The following RDM1 variants were observed in gnomAD, a reference collection of about 807,000 sequenced individuals.
RDM1 encodes RAD52 motif-containing protein 1.
In RDM1, 28 loss-of-function variants were observed where a neutral mutation model predicts 27.7. The observed-to-expected ratio is 1.01, with a 90% CI of 0.75 to 1.39. The LOEUF (loss-of-function observed/expected upper bound fraction) is 1.39. Among genes scored for constraint, RDM1 ranks in the 40% most tolerant of loss-of-function variants. The pLI is 0.00. For missense variants in RDM1, 277 were observed against 337.3 expected (o/e 0.82, Z 1.40); for synonymous variants, 124 against 127.5 (o/e 0.97, Z 0.19).
rs1440525181 is a variant in RDM1, at chr17:35,920,245, C to T, written c.695G>A (p.Arg232Lys). Reference sequence around the variant, plus strand: ...GACACCTACGATGTCTTCACTGGGTCTGTACTCCACAGCTATTTTACCACT... The same window carrying T: ...GACACCTACGATGTCTTCACTGGGTTTGTACTCCACAGCTATTTTACCACT... ...LESGKIAVEY[R>K]PSEDIVGVRC... Residue 232 changes from arginine to lysine, a missense_variant, in exon 6 of 7, where the codon AGA becomes AAA. Physicochemically the swap from Arg to Lys is conservative, Grantham distance 26. Transcript: ENST00000620284. 1 of 1,591,558 alleles carries T rather than the reference C, an allele frequency of 6.3e-7. No individual in the cohort carries two copies. The highest frequency in any genetic ancestry group is 8.6e-7 in the Non-Finnish European group (1 of 1,164,840).
chr17:35,930,437 G>T, intron 1 of RDM1, 182 bp from the exon 2 acceptor site: 1 of 938,016 alleles, frequency 1.1e-6, no homozygotes, highest in Non-Finnish European at 1.6e-6. Context: ...AAAACGTTCT[G>T]AAGGTGGAGA....
intron 3 of RDM1, among the ~76,000 whole-genome samples, chr17:35,925,000 G>C (rs2089088044): frequency 6.6e-6 from 1 of 152,136 alleles, no homozygotes; most frequent in Admixed American, 6.5e-5. Flanking sequence ...TGGGCGTGGT[G>C]GTGGGCGCCT....
intron 6 of RDM1, among the ~76,000 whole-genome samples, chr17:35,918,885 G>A (rs568415846): frequency 6.6e-6 from 1 of 152,340 alleles, no homozygotes; most frequent in African/African-American, 2.4e-5. Flanking sequence ...TCACCAGCAT[G>A]TGAACTCTAA....
Position 35,918,178 on chromosome 17 carries a change from C to T in RDM1, c.*164G>A, listed in dbSNP as rs1035150814. 22 of 625,056 alleles carry T rather than the reference C, an allele frequency of 3.5e-5. No individual in the cohort carries two copies. Among genetic ancestry groups the T allele is most frequent in the Non-Finnish European group, 6.0e-5 (21 of 349,226 alleles). The allele number at this position is 625,056 out of a possible 1,614,324, so 38.7% of individuals were successfully genotyped here. ...CCTACCCAAGCCTCCCTTCCCACTC[C>T]ACCAGAACACCCCTTCCCTCCCCTT... On this transcript the variant is annotated 3_prime_UTR_variant, in exon 7 of 7. Transcript: ENST00000620284.
chr17:35,929,941 C>T, intron 2 of RDM1, 135 bp downstream of exon 2: 1 of 850,978 alleles, frequency 1.2e-6, no homozygotes, highest in Non-Finnish European at 1.9e-6. Context: ...ATGTAAAAAA[C>T]CCAGAGAACT....
At chr17:35,926,209 G>GA (rs1488839230) in intron 2 of RDM1, among the ~76,000 whole-genome samples, 46 of 151,362 alleles carry the variant, frequency 3.0e-4, no homozygotes, top group African/African-American at 9.7e-4. Flanking sequence ...CTGCATTTAC[G>GA]TGCTTCTTTG....
intron 5 of RDM1, chr17:35,922,370 G>A: frequency 1.7e-6 from 1 of 593,154 alleles, no homozygotes. Flanking sequence ...TTTCACATCT[G>A]TAAACTGGGG....
In RDM1 at chr17:35,925,596, G is replaced by A; in HGVS notation, c.318C>T (p.Ala106=). The change falls in exon 3 of 7, where the codon GCC becomes GCT. Residue 106 remains alanine (A), a synonymous_variant. Coordinates refer to ENST00000620284, the MANE Select transcript of RDM1 (RefSeq NM_145654.4). ...GTRHKAVQHQ[A]LALNSSKCQE... is the part of the protein sequence containing the mutation. ...GGCATTTGGAACTGTTCAGGGCAAG[G>A]GCTTGATGTTGAACTGCCTTATGTC... The A allele has an allele frequency of 6.2e-7, 1 of 1,613,940 alleles. No homozygotes were observed.
chr17:35,918,451 A>G lies in RDM1; in HGVS notation c.754-8T>C, dbSNP rs771212088. The G allele has an allele frequency of 1.2e-6, 2 of 1,610,740 alleles. No individual in the cohort carries two copies. The highest frequency in any genetic ancestry group is 1.7e-6 in the Non-Finnish European group (2 of 1,177,000). On this transcript the variant is annotated splice_polypyrimidine_tract_variant and splice_region_variant and intron_variant, in intron 6 of 6. Coordinates refer to ENST00000620284, the MANE Select transcript of RDM1 (RefSeq NM_145654.4). Reference sequence around the variant, plus strand: ...CCAGGGAGAGCAAGGGACCTGCAAAATGTGCGCTAGTTAGGGTGGCAGGCA... The same window carrying G: ...CCAGGGAGAGCAAGGGACCTGCAAAGTGTGCGCTAGTTAGGGTGGCAGGCA...
intron 2 of RDM1, among the ~76,000 whole-genome samples, chr17:35,927,300 C>T (rs370268399): frequency 9.2e-5 from 14 of 151,940 alleles, no homozygotes; most frequent in African/African-American, 3.1e-4. Flanking sequence ...ATTAGCTGGG[C>T]GTGGTGGTGC....
chr17:35,920,560 A>T (rs2735478), intron 5 of RDM1, among the ~76,000 whole-genome samples: 6,440 of 151,194 alleles, frequency 0.043, 454 homozygotes, highest in African/African-American at 0.15. Flanking sequence ...CCTGGGATCA[A>T]GTGATCCCCC....
intron 2 of RDM1, among the ~76,000 whole-genome samples, chr17:35,926,749 C>G (rs1416019817): frequency 2.0e-5 from 3 of 152,156 alleles, no homozygotes; most frequent in African/African-American, 4.8e-5. Context: ...TCCTCTATCA[C>G]TGGTTTATAA....
Position 35,924,774 on chromosome 17 carries a change from T to C in RDM1, c.400-2A>G. ...TTCAAGGTCAGAAAGCTCCTGAAGC[T>C]GTAAGGATATTTAATGTAAGGTCCT... On this transcript the variant is annotated splice_acceptor_variant, in intron 3 of 6. Transcript: ENST00000620284. LOFTEE classifies it high-confidence loss of function. 6.2e-7 allele frequency: 1 copy of C among 1,613,376 alleles called. No individual in the cohort carries two copies. Among genetic ancestry groups the C allele is most frequent in the Non-Finnish European group, 8.5e-7 (1 of 1,179,416 alleles).
chr17:35,920,436 T>C (rs1019782100), intron 5 of RDM1, among the ~76,000 whole-genome samples, 164 bp from the exon 6 acceptor site: 10 of 149,070 alleles, frequency 6.7e-5, no homozygotes, highest in Non-Finnish European at 8.9e-5. Context: ...CACTTCAGTT[T>C]TTTCTTTCTT....
intron 5 of RDM1, among the ~76,000 whole-genome samples, chr17:35,921,435 G>A (rs9904675): frequency 0.093 from 14,088 of 152,238 alleles, 810 homozygotes; most frequent in East Asian, 0.21. Flanking sequence ...GAGCAACTCT[G>A]TTCAGGGACT....
At chr17:35,918,561 C>T (rs1017052683) in intron 6 of RDM1, 118 bp from the exon 7 acceptor site, 2 of 823,662 alleles carry the variant, frequency 2.4e-6, no homozygotes, top group African/African-American at 1.7e-5. Flanking sequence ...TGATAATTCA[C>T]CACTCTATTA....
At chr17:35,930,048 G>C (rs1192287865) in intron 2 of RDM1, 28 bp downstream of exon 2, 2 of 1,588,760 alleles carry the variant, frequency 1.3e-6, no homozygotes, top group Non-Finnish European at 1.7e-6. Context: ...CATTTCAGCG[G>C]AGCTAGGAAT....
At chr17:35,923,745 C>G (rs531574887) in intron 4 of RDM1, among the ~76,000 whole-genome samples, 1 of 152,292 alleles carries the variant, frequency 6.6e-6, no homozygotes, top group African/African-American at 2.4e-5. Context: ...CATTAGCCTA[C>G]AGCCCTGCCT....
Position 35,918,461 on chromosome 17 carries a change from G to C in RDM1, c.754-18C>G. On this transcript the variant is annotated intron_variant, in intron 6 of 6. Transcript: ENST00000620284. ...CAAGGGACCTGCAAAATGTGCGCTA[G>C]TTAGGGTGGCAGGCAGAACGCACAT... The C allele has an allele frequency of 1.3e-6, 2 of 1,598,236 alleles. No homozygotes were observed. The highest frequency in any genetic ancestry group is 1.7e-6 in the Non-Finnish European group (2 of 1,165,760).
Sources: allele counts gnomAD v4.1 joint callset (sites outside exome capture counted in the v4.1 genomes callset), GRCh38; gene constraint gnomAD v4.1.1; transcripts MANE v1.5; gene names NCBI Gene and HGNC (gene_info 2026-07-23, HGNC 2026-07-21).